Variants in PAX8 observed in about 807,000 individuals in gnomAD.
PAX8 encodes the protein paired box protein Pax-8.
In PAX8, 15 loss-of-function variants were observed where a neutral mutation model predicts 52.4. The ratio of observed to expected loss-of-function variants is 0.29; its 90% CI spans 0.19 to 0.44. PAX8 has a LOEUF of 0.44. Ranked by LOEUF, PAX8 falls within the 20% of genes least tolerant of loss-of-function variation. The pLI is 1.00. For synonymous variants in PAX8, 284 were observed against 249.7 expected, an observed-to-expected ratio of 1.14 and a Z score of -1.29; for missense variants, 554 against 602.5, an observed-to-expected ratio of 0.92 and a Z score of 0.84.
At chr2:113,247,022 T>C in intron 2 of PAX8, 103 bp from the exon 3 acceptor site, 1 of 1,138,812 alleles carries the variant, frequency 8.8e-7, no homozygotes, top group Non-Finnish European at 1.3e-6. Flanking sequence ...TGTGTTTGAC[T>C]GTGACCATGA....
intron 10 of PAX8, 83 bp downstream of exon 10, chr2:113,227,072 G>A: frequency 6.5e-7 from 1 of 1,536,910 alleles, no homozygotes; most frequent in Non-Finnish European, 8.7e-7. Flanking sequence ...ATAGGGCACA[G>A]TATGCCTCTT....
At chr2:113,249,109 C>A (rs1357158210) in intron 2 of PAX8, among the ~76,000 whole-genome samples, 1 of 152,232 alleles carries the variant, frequency 6.6e-6, no homozygotes, top group Non-Finnish European at 1.5e-5. Context: ...TGAGCTTGGG[C>A]ACAGCTTCCA....
intron 3 of PAX8, 87 bp from the exon 4 acceptor site, chr2:113,244,711 G>C (rs780661763): frequency 8.1e-7 from 1 of 1,239,542 alleles, no homozygotes; most frequent in Non-Finnish European, 1.2e-6. Flanking sequence ...CCTCCTCTCT[G>C]AGGCTTCTGG....
chr2:113,224,542 G>A (rs1211009428), intron 10 of PAX8, among the ~76,000 whole-genome samples: 7 of 131,956 alleles, frequency 5.3e-5, no homozygotes, highest in East Asian at 2.2e-4. Flanking sequence ...GCAAGACTCC[G>A]TCTCCAAAAA....
chr2:113,244,917 T>A (rs367747572), intron 3 of PAX8, among the ~76,000 whole-genome samples: 158 of 152,234 alleles, frequency 1.0e-3, no homozygotes, highest in African/African-American at 3.4e-3. Flanking sequence ...CAACAGCCAT[T>A]GTATGGGGCA....
chr2:113,242,666 G>A (rs1690961724), intron 5 of PAX8, 24 bp downstream of exon 5: 1 of 1,528,840 alleles, frequency 6.5e-7, no homozygotes, highest in African/African-American at 1.4e-5. Flanking sequence ...GCATGTGTGT[G>A]TATCCAGGTC....
At chr2:113,253,899 G>A (rs1691986471) in intron 2 of PAX8, among the ~76,000 whole-genome samples, 1 of 152,128 alleles carries the variant, frequency 6.6e-6, no homozygotes, top group Non-Finnish European at 1.5e-5. Context: ...TGCATCTTTA[G>A]GTCCAAATTT....
In PAX8 at chr2:113,218,090, G is replaced by T. The variant is rs551706478; in HGVS notation, c.*443C>A. The T allele has an allele frequency of 3.5e-4, 83 of 235,494 alleles. No individual in the cohort carries two copies. Among genetic ancestry groups the T allele is most frequent in the African/African-American group, 1.7e-3 (78 of 45,538 alleles). 14.6% of individuals were successfully genotyped at this position (235,494 alleles called of 1,614,324 possible). On this transcript the variant is annotated 3_prime_UTR_variant, in exon 12 of 12. Transcript: ENST00000429538. ...CTCGGCACCAGGCTGTGACTTGTGG[G>T]CTGGAGGGAAGTGCTTATGGTCCAT...
chr2:113,241,193 T>C, intron 7 of PAX8: 1 of 403,222 alleles, frequency 2.5e-6, no homozygotes. Flanking sequence ...TAGGAAATAG[T>C]GGCTGAGGTC....
chr2:113,261,440 A>G (rs1340681923), intron 2 of PAX8, among the ~76,000 whole-genome samples: 18 of 152,186 alleles, frequency 1.2e-4, no homozygotes, highest in Admixed American at 1.2e-3. Context: ...ACCAGGGGTG[A>G]CACTGGGCGT....
intron 8 of PAX8, chr2:113,235,889 C>G: frequency 2.5e-6 from 1 of 394,878 alleles, no homozygotes; most frequent in Non-Finnish European, 4.6e-6. Context: ...GGCGCGACCC[C>G]TCGGCCCACC....
At chr2:113,242,814 A>G (rs749965102) in intron 4 of PAX8, 36 bp from the exon 5 acceptor site, 3 of 1,530,090 alleles carry the variant, frequency 2.0e-6, no homozygotes, top group African/African-American at 2.7e-5. Context: ...GAGAGAGAAG[A>G]GGAGGAAAGA....
At chr2:113,219,348 C>T (rs1007796545) in intron 11 of PAX8, among the ~76,000 whole-genome samples, 1 of 152,092 alleles carries the variant, frequency 6.6e-6, no homozygotes, top group African/African-American at 2.4e-5. Context: ...TGTCTGGCTC[C>T]GGTTTGCTCT....
Position 113,235,415 on chromosome 2 carries a change from T to C in PAX8, c.1066A>G (p.Thr356Ala), listed in dbSNP as rs772655672. 8 of 1,594,288 alleles carry C rather than the reference T, an allele frequency of 5.0e-6. No homozygotes were observed. In the East Asian group the frequency reaches 1.6e-4, roughly 32 times the overall value. Residue 356 changes from threonine to alanine, a missense_variant, in exon 9 of 12, where the codon ACG (threonine) becomes GCG (alanine). Thr to Ala is a moderately conservative substitution (Grantham distance 58). Coordinates refer to ENST00000429538, the MANE Select transcript of PAX8 (RefSeq NM_003466.4). ...PHAASVYGQFTGQALLSGREM... is the reference protein window; with the variant it reads ...PHAASVYGQFAGQALLSGREM... ...GTACCTGAGAGGAGGGCCTGGCCCGTGAACTGCCCGTACACGGAGGCAGCA... is the reference window on the plus strand; with the variant it reads ...GTACCTGAGAGGAGGGCCTGGCCCGCGAACTGCCCGTACACGGAGGCAGCA...
intron 2 of PAX8, chr2:113,275,701 T>C (rs1693752829): frequency 6.6e-6 from 1 of 152,202 alleles, no homozygotes; most frequent in Admixed American, 6.5e-5. Context: ...ATATGGGGCA[T>C]TTATCGTTTC....
chr2:113,240,552 G>A (rs1161690418), intron 7 of PAX8: 1 of 152,248 alleles, frequency 6.6e-6, no homozygotes. Flanking sequence ...ATGACTAGGA[G>A]CTGAGAGCTT....
chr2:113,270,948 C>T (rs1296256210), intron 2 of PAX8: 3 of 152,124 alleles, frequency 2.0e-5, no homozygotes, highest in Non-Finnish European at 4.4e-5. Context: ...TCTGAGAGCC[C>T]GGGAGCTAAG....
intron 2 of PAX8, chr2:113,259,631 T>G (rs370816376): frequency 4.3e-4 from 66 of 152,776 alleles, no homozygotes; most frequent in African/African-American, 1.6e-3. Context: ...GAATCTGTAT[T>G]TTTAAAAATC....
chr2:113,266,365 A>C (rs1034508716), intron 2 of PAX8: 1 of 152,234 alleles, frequency 6.6e-6, no homozygotes, highest in African/African-American at 2.4e-5. Context: ...GCCACAAGGC[A>C]CCTGGGCTCC....
Sources: gnomAD v4.1 joint callset for allele counts (sites outside exome capture counted in the v4.1 genomes callset) on GRCh38, gnomAD v4.1.1 for gene constraint, MANE v1.5 for transcripts, NCBI Gene and HGNC (gene_info 2026-07-23, HGNC 2026-07-21) for gene names.